The following DOCK2 variants were observed in gnomAD, a reference collection of about 807,000 sequenced individuals.
DOCK2 encodes the protein dedicator of cytokinesis protein 2.
Under a neutral mutation model 248.9 loss-of-function variants are expected in DOCK2, and 87 were observed. The ratio of observed to expected loss-of-function variants is 0.35; its 90% CI spans 0.29 to 0.42. The LOEUF is 0.42. Ranked by LOEUF, DOCK2 falls within the 10% of genes least tolerant of loss-of-function variation. The pLI is 1.00. For missense variants in DOCK2, 1,747 were observed against 2,300.2 expected (o/e 0.76, Z 4.92); for synonymous variants, 805 against 821.6 (o/e 0.98, Z 0.35).
At chr5:169,748,406 C>T (rs1763726494) in intron 23 of DOCK2, among the ~76,000 whole-genome samples, 1 of 152,120 alleles carries the variant, frequency 6.6e-6, no homozygotes, top group African/African-American at 2.4e-5. Flanking sequence ...GTTACAACCA[C>T]CCGACTTTCT....
chr5:170,009,972 G>A (rs909100457), intron 32 of DOCK2, among the ~76,000 whole-genome samples: 8 of 152,196 alleles, frequency 5.3e-5, no homozygotes, highest in African/African-American at 1.7e-4. Flanking sequence ...GCCTTGCTCT[G>A]ACATTTACAG....
At position 170,081,873 on chromosome 5, in the gene DOCK2, G is replaced by A; in HGVS notation, c.5319G>A (p.Gly1773=). Reference sequence around the variant, plus strand: ...CGCTCTCAGTGGCAGGCATCCCTGGGTTGGATGAGGCCAACACATCTCCCC... The same window carrying A: ...CGCTCTCAGTGGCAGGCATCCCTGGATTGGATGAGGCCAACACATCTCCCC... The part of the protein sequence containing the change: ...ALALSVAGIP[G]LDEANTSPRL... The change falls in exon 51 of 52, where the codon GGG becomes GGA. Residue 1773 remains glycine (G), a synonymous_variant. Transcript: ENST00000520908. 7 of 1,613,570 alleles carry A rather than the reference G, an allele frequency of 4.3e-6. No homozygotes were observed. Among genetic ancestry groups the A allele is most frequent in the Non-Finnish European group, 5.9e-6 (7 of 1,179,894 alleles).
chr5:169,661,396 A>G (rs1175037480), intron 2 of DOCK2, among the ~76,000 whole-genome samples: 1 of 152,240 alleles, frequency 6.6e-6, no homozygotes, highest in African/African-American at 2.4e-5. Flanking sequence ...TAGTTACGAT[A>G]GTGAAACAAA....
At chr5:169,735,400 C>T (rs1762985844) in intron 22 of DOCK2, among the ~76,000 whole-genome samples, 1 of 152,130 alleles carries the variant, frequency 6.6e-6, no homozygotes, top group South Asian at 2.1e-4. Flanking sequence ...ACCTGAACTG[C>T]TCTTCCCTCT....
At chr5:170,007,477 C>CT (rs1755078871) in intron 30 of DOCK2, among the ~76,000 whole-genome samples, 1 of 152,212 alleles carries the variant, frequency 6.6e-6, no homozygotes, top group Non-Finnish European at 1.5e-5. Context: ...TGATTCATGT[C>CT]TTTAAACACA....
intron 26 of DOCK2, among the ~76,000 whole-genome samples, chr5:169,804,437 AGTGTGTGTGTGTGTGTGTGTGTGT>A (rs55660700): frequency 5.2e-5 from 7 of 134,574 alleles, no homozygotes; most frequent in African/African-American, 1.4e-4. Flanking sequence ...AGAGCTACAA[AGTGTGTGTGTGTGTGTGTGTGTGT>A]GTGTGTGTGT....
chr5:169,833,087 A>C (rs1007233527), intron 26 of DOCK2, among the ~76,000 whole-genome samples: 1 of 152,178 alleles, frequency 6.6e-6, no homozygotes, highest in Admixed American at 6.5e-5. Flanking sequence ...GTCACACAAC[A>C]CTGGTCATAT....
chr5:169,991,402 TCTGTTCCCTG>T (rs1778202120), intron 29 of DOCK2, among the ~76,000 whole-genome samples: 1 of 152,238 alleles, frequency 6.6e-6, no homozygotes, highest in Non-Finnish European at 1.5e-5. Flanking sequence ...AGCTGACTTA[TCTGTTCCCTG>T]CTCTATTGCA....
At chr5:169,658,251 C>A (rs779321468) in intron 2 of DOCK2, among the ~76,000 whole-genome samples, 14 of 151,788 alleles carry the variant, frequency 9.2e-5, no homozygotes, top group African/African-American at 3.4e-4. Context: ...GAGGCAGAGG[C>A]GGGTGGATCA....
intron 27 of DOCK2, among the ~76,000 whole-genome samples, chr5:169,857,993 T>C (rs1048903847): frequency 1.6e-4 from 25 of 152,194 alleles, no homozygotes; most frequent in Non-Finnish European, 3.7e-4. Context: ...TTTCTTTATG[T>C]ATAGATTTAT....
chr5:170,075,834 C>A, intron 46 of DOCK2, 113 bp from the exon 47 acceptor site: 3 of 1,407,104 alleles, frequency 2.1e-6, no homozygotes, highest in Non-Finnish European at 2.9e-6. Flanking sequence ...GACCCTGAAG[C>A]CCTTGATGAA....
chr5:170,068,066 G>A (rs1472993213), intron 45 of DOCK2, among the ~76,000 whole-genome samples: 28 of 152,144 alleles, frequency 1.8e-4, no homozygotes, highest in Non-Finnish European at 4.4e-5. Flanking sequence ...GATGTGAAAT[G>A]ATGTATACTA....
intron 27 of DOCK2, among the ~76,000 whole-genome samples, chr5:169,874,241 C>T (rs939542245): frequency 2.0e-5 from 3 of 151,802 alleles, no homozygotes; most frequent in Non-Finnish European, 2.9e-5. Flanking sequence ...GGTGAAACCC[C>T]GTCTCTACTA....
At chr5:169,679,832 G>A (rs764383569) in intron 6 of DOCK2, among the ~76,000 whole-genome samples, 11 of 152,140 alleles carry the variant, frequency 7.2e-5, no homozygotes, top group African/African-American at 2.4e-4. Flanking sequence ...TGAGAGATGC[G>A]CCTCTCAATT....
intron 44 of DOCK2, among the ~76,000 whole-genome samples, chr5:170,057,995 A>T (rs1757196128): frequency 6.6e-6 from 1 of 151,446 alleles, no homozygotes; most frequent in Non-Finnish European, 1.5e-5. Flanking sequence ...TCTCCCCCTC[A>T]TACTCCTCTC....
At chr5:169,908,575 TTG>T (rs972229976) in intron 27 of DOCK2, among the ~76,000 whole-genome samples, 1 of 152,148 alleles carries the variant, frequency 6.6e-6, no homozygotes, top group African/African-American at 2.4e-5. Context: ...CTGGACGTTT[TTG>T]TCTATCTATA....
At chr5:169,750,973 G>A (rs1209885779) in intron 23 of DOCK2, among the ~76,000 whole-genome samples, 1 of 152,182 alleles carries the variant, frequency 6.6e-6, no homozygotes, top group Non-Finnish European at 1.5e-5. Context: ...AGAGAGATGT[G>A]GACATGTAGC....
chr5:169,917,394 G>A (rs1431684670), intron 27 of DOCK2, among the ~76,000 whole-genome samples: 3 of 152,116 alleles, frequency 2.0e-5, no homozygotes, highest in African/African-American at 4.8e-5. Context: ...TTTTTTTCCA[G>A]TAGTAAAAAT....
intron 41 of DOCK2, 88 bp from the exon 42 acceptor site, chr5:170,055,217 T>C: frequency 7.6e-7 from 1 of 1,322,780 alleles, no homozygotes; most frequent in Non-Finnish European, 1.1e-6. Flanking sequence ...CCATAAAGGC[T>C]GGCCTGGAAG....
Sources: gnomAD v4.1 joint callset for allele counts (sites outside exome capture counted in the v4.1 genomes callset) on GRCh38, gnomAD v4.1.1 for gene constraint, MANE v1.5 for transcripts, NCBI Gene and HGNC (gene_info 2026-07-23, HGNC 2026-07-21) for gene names.